ZFYVE16: variants seen among roughly 807,000 people sequenced by gnomAD.
The protein encoded by ZFYVE16 is zinc finger FYVE-type containing 16.
In ZFYVE16, 89 loss-of-function variants were observed where a neutral mutation model predicts 138.1. That is an observed-to-expected ratio of 0.64 (90% CI 0.54 to 0.77). The LOEUF (loss-of-function observed/expected upper bound fraction) is 0.77. Ranked by LOEUF, ZFYVE16 falls within the 30% of genes least tolerant of loss-of-function variation. The probability of loss-of-function intolerance (pLI) is 0.00; values close to 1 mark genes in which losing one functional copy is unlikely to be tolerated. For synonymous variants in ZFYVE16, 596 were observed against 618.3 expected, an observed-to-expected ratio of 0.96 and a Z score of 0.53; for missense variants, 1,793 against 1,786.7, an observed-to-expected ratio of 1.00 and a Z score of -0.06.
At position 80,431,822 on chromosome 5, in the gene ZFYVE16, C is replaced by G. The variant is rs183819501; in HGVS notation, c.-39-2287C>G. On this transcript the variant is annotated intron_variant, in intron 2 of 18. Coordinates refer to ENST00000505560, the MANE Select transcript of ZFYVE16 (RefSeq NM_001284236.3). ...GATAAACAGCCAAATCATGAGTGAA[C>G]TCCCATTCACAGTTGCTTCAAAGAG... is the stretch of plus-strand genomic sequence containing the variant. Among the ~76,000 whole-genome samples the G allele has an allele frequency of 6.3e-3, 952 of 152,252 alleles. 10 individuals are homozygous for G. Among genetic ancestry groups the G allele is most frequent in the African/African-American group, 0.021 (880 of 41,554 alleles).
Position 80,443,188 on chromosome 5 carries a change from T to G in ZFYVE16, c.2485T>G (p.Cys829Gly), listed in dbSNP as rs145987464. Reference sequence around the variant, plus strand: ...TCTTAAGTCTAATCATTCTGATGAATGTACTACTGTCCAGCCTCCTCAGGA... The same window carrying G: ...TCTTAAGTCTAATCATTCTGATGAAGGTACTACTGTCCAGCCTCCTCAGGA... Reference protein sequence around the residue: ...SNLKSNHSDECTTVQPPQENQ... With the variant: ...SNLKSNHSDEGTTVQPPQENQ... Residue 829 changes from cysteine to glycine, a missense_variant, in exon 6 of 19, where the codon TGT (cysteine) becomes GGT (glycine). Physicochemically the swap from Cys to Gly is radical, Grantham distance 159 (BLOSUM62 -3). This residue lies in a region of ZFYVE16 where 1,295 missense variants were observed against 1,204.3 expected (regional missense o/e 1.08). Coordinates refer to ENST00000505560, the MANE Select transcript of ZFYVE16 (RefSeq NM_001284236.3). 553 of 1,607,182 alleles carry G rather than the reference T, an allele frequency of 3.4e-4. 3 individuals are homozygous for G. The African/African-American group carries it at 6.5e-3, about 19-fold the overall frequency.
intron 9 of ZFYVE16, 102 bp from the exon 10 acceptor site, chr5:80,450,329 C>A: frequency 8.6e-7 from 1 of 1,165,884 alleles, no homozygotes; most frequent in Non-Finnish European, 1.2e-6. Flanking sequence ...ACTTTGGGAA[C>A]ACAAGGAATT....
rs749162478 is a variant in ZFYVE16, at chr5:80,438,604, A to C, written c.1919A>C (p.Asn640Thr). ...ITNQLSVSDI[N>T]SQSVGGARPK... is the part of the protein sequence containing the mutation. ...AATCAATTATCGGTCTCTGATATTA[A>C]CAGTCAATCTGTTGGAGGGGCCAGA... The change falls in exon 4 of 19, where the codon AAC (asparagine) becomes ACC (threonine). Residue 640 changes from asparagine to threonine, a missense_variant. Asn to Thr is a moderately conservative substitution (Grantham distance 65). This residue lies in a region of ZFYVE16 where 1,295 missense variants were observed against 1,204.3 expected (regional missense o/e 1.08). Transcript: ENST00000505560. 1 of 1,614,154 alleles carries C rather than the reference A, an allele frequency of 6.2e-7. No individual in the cohort carries two copies. Among genetic ancestry groups the C allele is most frequent in the South Asian group, 1.1e-5 (1 of 91,080 alleles).
chr5:80,412,237 C>T (rs1251127692), intron 1 of ZFYVE16, among the ~76,000 whole-genome samples: 1 of 152,038 alleles, frequency 6.6e-6, no homozygotes, highest in African/African-American at 2.4e-5. Context: ...ATGTTACTGC[C>T]AATTTTTGTA....
At chr5:80,431,477 G>C (rs937038083) in intron 2 of ZFYVE16, among the ~76,000 whole-genome samples, 2 of 152,116 alleles carry the variant, frequency 1.3e-5, no homozygotes, top group African/African-American at 4.8e-5. Context: ...CCCACAGCCA[G>C]TATCATACTG....
intron 1 of ZFYVE16, among the ~76,000 whole-genome samples, chr5:80,422,248 G>C (rs887622527): frequency 6.6e-5 from 10 of 152,032 alleles, no homozygotes; most frequent in African/African-American, 1.7e-4. Flanking sequence ...GTCTTATTGC[G>C]CTAGCCAAGG....
In ZFYVE16 at chr5:80,437,913, G is replaced by T. The variant is rs148423202; in HGVS notation, c.1228G>T (p.Ala410Ser). The T allele has an allele frequency of 1.2e-6, 2 of 1,613,888 alleles. No homozygotes were observed. Among genetic ancestry groups the T allele is most frequent in the Non-Finnish European group, 1.7e-6 (2 of 1,179,950 alleles). ...TGAACATAAAGATAATATACAAGATGCAGTGACTATACATGAAGAAATACA... is the reference window on the plus strand; with the variant it reads ...TGAACATAAAGATAATATACAAGATTCAGTGACTATACATGAAGAAATACA... ...QHEHKDNIQD[A>S]VTIHEEIQNS... is the part of the protein sequence containing the mutation. Residue 410 changes from alanine (A) to serine (S), a missense_variant, in exon 4 of 19, where the codon GCA becomes TCA. Transcript: ENST00000505560.
chr5:80,439,156 A>C, intron 4 of ZFYVE16, 149 bp downstream of exon 4: 1 of 862,244 alleles, frequency 1.2e-6, no homozygotes, highest in Non-Finnish European at 1.7e-6. Context: ...GAAATATATA[A>C]AGCAGTGTCA....
Position 80,437,059 on chromosome 5 carries a change from C to T in ZFYVE16, c.374C>T (p.Pro125Leu), listed in dbSNP as rs781374165. 1 of 1,614,174 alleles carries T rather than the reference C, an allele frequency of 6.2e-7. No homozygotes were observed. The highest frequency in any genetic ancestry group is 8.5e-7 in the Non-Finnish European group (1 of 1,180,034). ...TTATATATGGGACGATGTAGTAAAC[C>T]TATCTGTGATCTGATAAGTGACATG... The part of the protein sequence containing the change: ...QPLYMGRCSK[P>L]ICDLISDMGN... Residue 125 changes from proline to leucine, a missense_variant, in exon 4 of 19, where the codon CCT (proline) becomes CTT (leucine). By Grantham distance (98) the Pro-to-Leu change is moderately conservative. Around this residue, in one of 2 missense-constraint regions of ZFYVE16, gnomAD observed 1,295 missense variants for 1,204.3 expected, o/e 1.08. Transcript: ENST00000505560.
chr5:80,462,237 T>G (rs533210463), intron 15 of ZFYVE16, among the ~76,000 whole-genome samples: 1 of 152,174 alleles, frequency 6.6e-6, no homozygotes, highest in Admixed American at 6.5e-5. Flanking sequence ...TGCCTGAGAC[T>G]GGGTAATTTA....
At chr5:80,427,272 C>T (rs1430080687) in intron 1 of ZFYVE16, among the ~76,000 whole-genome samples, 1 of 152,034 alleles carries the variant, frequency 6.6e-6, no homozygotes, top group Non-Finnish European at 1.5e-5. Context: ...GATCAATTCT[C>T]AGAATAATTG....
At chr5:80,473,287 T>C (rs61307723) in intron 16 of ZFYVE16, among the ~76,000 whole-genome samples, 3,195 of 152,278 alleles carry the variant, frequency 0.021, 118 homozygotes, top group African/African-American at 0.072. Flanking sequence ...CTGTATTATT[T>C]TGATTCACTA....
At chr5:80,461,887 G>T (rs913877640) in intron 15 of ZFYVE16, among the ~76,000 whole-genome samples, 3 of 152,168 alleles carry the variant, frequency 2.0e-5, no homozygotes, top group South Asian at 4.2e-4. Flanking sequence ...CAAGAGAATG[G>T]TGTGAACCCA....
chr5:80,459,020 T>C (rs1752822100), intron 14 of ZFYVE16, among the ~76,000 whole-genome samples: 1 of 152,216 alleles, frequency 6.6e-6, no homozygotes, highest in Non-Finnish European at 1.5e-5. Context: ...AACCTCCACC[T>C]CCTGAGTTCC....
At chr5:80,471,597 G>A (rs1317001444) in intron 15 of ZFYVE16, among the ~76,000 whole-genome samples, 2 of 152,144 alleles carry the variant, frequency 1.3e-5, no homozygotes, top group African/African-American at 4.8e-5. Context: ...GGACCAGAAG[G>A]CGGTGACCCC....
Position 80,414,886 on chromosome 5 carries a change from G to A in ZFYVE16, c.-94+6733G>A, listed in dbSNP as rs539853828. 3.9e-5 allele frequency among the ~76,000 whole-genome samples: 6 copies of A among 152,158 alleles called. No individual in the cohort carries two copies. The South Asian group carries it at 1.2e-3, about 32-fold the overall frequency. ...GGATGCAGACTGTAGTATTAAATGG[G>A]GTGATCCTCCCTTCAACCATTCAGG... On this transcript the variant is annotated intron_variant, in intron 1 of 18. Coordinates refer to ENST00000505560, the MANE Select transcript of ZFYVE16 (RefSeq NM_001284236.3).
chr5:80,450,691 A>C lies in ZFYVE16; in HGVS notation c.3382+105A>C, dbSNP rs148608254. ...GCTATACTAAAGATTTATTTCTGTGAAGAGATTGCTGATTTCTGAAAATAG... is the reference window on the plus strand; with the variant it reads ...GCTATACTAAAGATTTATTTCTGTGCAGAGATTGCTGATTTCTGAAAATAG... On this transcript the variant is annotated intron_variant, in intron 10 of 18. Transcript: ENST00000505560. 282 of 1,128,828 alleles carry C rather than the reference A, an allele frequency of 2.5e-4. 3 individuals carry two copies. In the East Asian group the frequency reaches 6.1e-3, roughly 24 times the overall value. 69.9% of individuals were successfully genotyped at this position (1,128,828 alleles called of 1,614,324 possible).
intron 17 of ZFYVE16, 90 bp from the exon 18 acceptor site, chr5:80,474,573 A>G: frequency 7.0e-6 from 9 of 1,294,086 alleles, no homozygotes; most frequent in Non-Finnish European, 7.5e-6. Flanking sequence ...TGGTACTTAC[A>G]TTGGAATTTA....
At chr5:80,423,707 T>C (rs543842364) in intron 1 of ZFYVE16, among the ~76,000 whole-genome samples, 11 of 151,704 alleles carry the variant, frequency 7.3e-5, no homozygotes, top group Non-Finnish European at 1.5e-4. Context: ...GGCTAATTTT[T>C]TTTGTATTTT....
Sources: allele counts gnomAD v4.1 joint callset (sites outside exome capture counted in the v4.1 genomes callset), GRCh38; gene constraint gnomAD v4.1.1; regional missense constraint gnomAD v4.1.1; transcripts MANE v1.5; gene names NCBI Gene and HGNC (gene_info 2026-07-23, HGNC 2026-07-21).